The following DLG5 variants were observed in gnomAD, a reference collection of about 807,000 sequenced individuals.
DLG5 encodes the protein discs large MAGUK scaffold protein 5.
In DLG5, 48 loss-of-function variants were observed where a neutral mutation model predicts 189.8. The ratio of observed to expected loss-of-function variants is 0.25; its 90% CI spans 0.20 to 0.32. The LOEUF (loss-of-function observed/expected upper bound fraction) is 0.32, where lower values mean the gene tolerates loss of function less well. Among genes scored for constraint, DLG5 ranks in the 10% least tolerant of loss-of-function variants. The pLI is 1.00. For missense variants in DLG5, 2,160 were observed against 2,544.7 expected (o/e 0.85, Z 3.25); for synonymous variants, 1,016 against 1,054.1 (o/e 0.96, Z 0.70).
chr10:77,835,751 G>A lies in DLG5; in HGVS notation c.1609C>T (p.Arg537Cys), dbSNP rs557683913. 3 of 1,611,646 alleles carry A rather than the reference G, an allele frequency of 1.9e-6. No individual in the cohort carries two copies. The highest frequency in any genetic ancestry group is 1.3e-5 in the African/African-American group (1 of 75,014). Residue 537 changes from arginine (R) to cysteine (C), a missense_variant, in exon 8 of 32, where the codon CGT becomes TGT. Physicochemically the swap from Arg to Cys is radical, Grantham distance 180. Coordinates refer to ENST00000372391, the MANE Select transcript of DLG5 (RefSeq NM_004747.4). The part of the protein sequence containing the change: ...FQERDKIVAE[R>C]DSIRTLCDNL... ...GTCACCCCATACCGGATGCTGTCAC[G>A]CTCTGCTACAATCTTGTCTCGCTCC...
At chr10:77,857,219 TC>T (rs1436255343) in intron 2 of DLG5, among the ~76,000 whole-genome samples, 2 of 152,098 alleles carry the variant, frequency 1.3e-5, no homozygotes, top group African/African-American at 4.8e-5. Context: ...CCTTGCATCC[TC>T]CCCTGGTTTG....
At chr10:77,799,252 C>G (rs948927401) in intron 27 of DLG5, among the ~76,000 whole-genome samples, 3 of 152,210 alleles carry the variant, frequency 2.0e-5, no homozygotes, top group Admixed American at 2.0e-4. Flanking sequence ...ACGGCAATGG[C>G]TTTCTTTAAA....
At chr10:77,804,827 G>A (rs1463219320) in intron 27 of DLG5, among the ~76,000 whole-genome samples, 2 of 152,138 alleles carry the variant, frequency 1.3e-5, no homozygotes. Context: ...CTACCAAGCA[G>A]CCTGTAAGAA....
chr10:77,901,657 G>A (rs1845930641), intron 1 of DLG5, among the ~76,000 whole-genome samples: 1 of 152,266 alleles, frequency 6.6e-6, no homozygotes, highest in South Asian at 2.1e-4. Context: ...CCAGCCTCCT[G>A]GCACTCTCAC....
In DLG5 at chr10:77,926,347, C is replaced by T. The variant is rs1443189015; in HGVS notation, c.174G>A (p.Lys58=). ...GGTCCCGCTCCTTGGCCAAGAGCAG[C>T]TTGAGCAGCAGCTCCGCCTTGGCGC... ...AGGAKAELLL[K]LLLAKERDHF... is the part of the protein sequence containing the mutation. The change falls in exon 1 of 32, where the codon AAG becomes AAA. Residue 58 remains lysine, a synonymous_variant. Coordinates refer to ENST00000372391, the MANE Select transcript of DLG5 (RefSeq NM_004747.4). The surrounding 1 kb of genome is among the most constrained non-coding windows in gnomAD (Gnocchi z 5.2). 1 of 1,603,516 alleles carries T rather than the reference C, an allele frequency of 6.2e-7. No homozygotes were observed.
At position 77,812,011 on chromosome 10, in the gene DLG5, A is replaced by G. The variant is rs755891719; in HGVS notation, c.4235T>C (p.Leu1412Pro). ...LRSATEQQAR[L>P]IIGQQCDTIT... ...GGTATCACACTGCTGCCCGATGATG[A>G]GCCGCGCCTGCTGCTCCGTGGCGCT... The change falls in exon 22 of 32, where the codon CTC (leucine) becomes CCC (proline). Residue 1412 changes from leucine to proline, a missense_variant. Leu to Pro is a moderately conservative substitution (Grantham distance 98). Coordinates refer to ENST00000372391, the MANE Select transcript of DLG5 (RefSeq NM_004747.4). 3.1e-6 allele frequency: 5 copies of G among 1,611,224 alleles called. No individual in the cohort carries two copies. Among genetic ancestry groups the G allele is most frequent in the Non-Finnish European group, 4.2e-6 (5 of 1,180,014 alleles).
chr10:77,810,261 G>T (rs1014983513), intron 23 of DLG5, among the ~76,000 whole-genome samples: 3 of 152,194 alleles, frequency 2.0e-5, no homozygotes, highest in Admixed American at 1.3e-4. Context: ...GAGTGAGATG[G>T]GACAGCGATG....
the DLG5 span, among the ~76,000 whole-genome samples, chr10:77,935,107 C>T: frequency 9.9e-5 from 15 of 152,018 alleles, no homozygotes; most frequent in African/African-American, 2.9e-4. Context: ...CCGCCCGCCT[C>T]GGCGTCCCAA....
intron 1 of DLG5, among the ~76,000 whole-genome samples, chr10:77,917,409 G>A (rs113776763): frequency 2.0e-5 from 3 of 151,502 alleles, no homozygotes; most frequent in Admixed American, 1.3e-4. Flanking sequence ...CCTGCTACTC[G>A]GGAGGCTGAG....
At chr10:77,850,823 C>T (rs371492254) in intron 5 of DLG5, among the ~76,000 whole-genome samples, 1 of 152,248 alleles carries the variant, frequency 6.6e-6, no homozygotes, top group African/African-American at 2.4e-5. Context: ...ACCAATTCTC[C>T]TACACTGAGA....
At chr10:77,865,316 G>A (rs1235931397) in intron 2 of DLG5, among the ~76,000 whole-genome samples, 3 of 152,138 alleles carry the variant, frequency 2.0e-5, no homozygotes, top group Non-Finnish European at 2.9e-5. Context: ...GGCCAGGAAT[G>A]AAGGATCAGA....
chr10:77,932,505 A>G, the DLG5 span, among the ~76,000 whole-genome samples: 1 of 152,190 alleles, frequency 6.6e-6, no homozygotes, highest in Admixed American at 6.6e-5. Context: ...AAGTACCTCA[A>G]AAAGGAGAAG....
At chr10:77,858,722 C>G (rs979137519) in intron 2 of DLG5, among the ~76,000 whole-genome samples, 1 of 152,066 alleles carries the variant, frequency 6.6e-6, no homozygotes, top group African/African-American at 2.4e-5. Flanking sequence ...CCCTCTGTAG[C>G]CCTAGGCTAA....
At chr10:77,830,492 T>C in intron 10 of DLG5, 148 bp from the exon 11 acceptor site, 1 of 1,331,474 alleles carries the variant, frequency 7.5e-7, no homozygotes, top group Non-Finnish European at 1.0e-6. Context: ...TGGAAACCTA[T>C]GAGTATCTGC....
chr10:77,815,573 T>G (rs1400665499), intron 20 of DLG5, among the ~76,000 whole-genome samples: 1 of 152,052 alleles, frequency 6.6e-6, no homozygotes, highest in Non-Finnish European at 1.5e-5. Flanking sequence ...GGCACAAGAA[T>G]CGCCTTGAAC....
chr10:77,870,928 G>A (rs887410307), intron 1 of DLG5, among the ~76,000 whole-genome samples: 9 of 152,034 alleles, frequency 5.9e-5, no homozygotes, highest in African/African-American at 1.7e-4. Flanking sequence ...CTGCAGGCAG[G>A]CGAGCTAGCA....
chr10:77,843,934 GC>G (rs1843556803), intron 5 of DLG5, among the ~76,000 whole-genome samples: 1 of 152,152 alleles, frequency 6.6e-6, no homozygotes, highest in African/African-American at 2.4e-5. Context: ...TAAGTATTGT[GC>G]AGAACAGTTA....
the DLG5 span, among the ~76,000 whole-genome samples, chr10:77,935,507 C>T: frequency 6.6e-6 from 1 of 152,146 alleles, no homozygotes; most frequent in Non-Finnish European, 1.5e-5. Flanking sequence ...AGGCCCCACT[C>T]TGGCCTTGGA....
rs1344446969 is a variant in DLG5, at chr10:77,858,309, A to T, written c.374-1417T>A. ...TTAGAAACAAAAGAAATATGTATTAAAAAAAAAAGATTAAATCACATCTCT... is the reference window on the plus strand; with the variant it reads ...TTAGAAACAAAAGAAATATGTATTATAAAAAAAAGATTAAATCACATCTCT... On this transcript the variant is annotated intron_variant, in intron 2 of 31. Transcript: ENST00000372391. Among the ~76,000 whole-genome samples the T allele has an allele frequency of 3.3e-5, 5 of 150,332 alleles. No individual in the cohort carries two copies. The East Asian group carries it at 5.8e-4, about 17-fold the overall frequency.
Sources: gnomAD v4.1 joint callset for allele counts (sites outside exome capture counted in the v4.1 genomes callset) on GRCh38, gnomAD v4.1.1 for gene constraint, Gnocchi (gnomAD v3.1) non-coding constraint, MANE v1.5 for transcripts, NCBI Gene and HGNC (gene_info 2026-07-23, HGNC 2026-07-21) for gene names.